TENT2: variants seen among roughly 807,000 people sequenced by gnomAD.
The protein encoded by TENT2 is terminal nucleotidyltransferase 2.
In TENT2, 44 loss-of-function variants were observed where a neutral mutation model predicts 72.2. The ratio of observed to expected loss-of-function variants is 0.61; its 90% CI spans 0.48 to 0.78. The LOEUF is 0.78. Among genes scored for constraint, TENT2 ranks in the 30% least tolerant of loss-of-function variants. TENT2 has a pLI of 0.00. For missense variants in TENT2, 541 were observed against 569.6 expected (o/e 0.95, Z 0.51); for synonymous variants, 212 against 192.5 (o/e 1.10, Z -0.84).
At chr5:79,639,196 G>A (rs1782519755) in intron 4 of TENT2, among the ~76,000 whole-genome samples, 1 of 151,944 alleles carries the variant, frequency 6.6e-6, no homozygotes, top group Non-Finnish European at 1.5e-5. Context: ...AAGAGGCTGA[G>A]GAATATCACA....
chr5:79,675,000 TAAAAA>T (rs1816070584), intron 12 of TENT2, among the ~76,000 whole-genome samples: 1 of 152,150 alleles, frequency 6.6e-6, no homozygotes, highest in Non-Finnish European at 1.5e-5. Context: ...ATAATGGGGA[TAAAAA>T]GCATAGCATT....
At chr5:79,669,918 A>G (rs1303950880) in intron 12 of TENT2, among the ~76,000 whole-genome samples, 1 of 152,082 alleles carries the variant, frequency 6.6e-6, no homozygotes, top group Non-Finnish European at 1.5e-5. Flanking sequence ...GTGCTCCAAG[A>G]TCACATAGCT....
rs578116508 is a variant in TENT2, at chr5:79,670,017, C to T, written c.1208+989C>T. On this transcript the variant is annotated intron_variant, in intron 12 of 14. Coordinates refer to ENST00000453514, the MANE Select transcript of TENT2 (RefSeq NM_001114394.3). The stretch of plus-strand genomic sequence containing the variant: ...GCCGAGGCAGGTGAGGTCGCGAGTT[C>T]GAGACCAGCCAGACCAACACGGAGA... Among the ~76,000 whole-genome samples, 8 of 151,704 alleles carry T rather than the reference C, an allele frequency of 5.3e-5. No individual in the cohort carries two copies. In the South Asian group the frequency reaches 1.5e-3, roughly 28 times the overall value.
rs79713579 is a variant in TENT2, at chr5:79,682,806, T to C, written c.1380+745T>C. The stretch of plus-strand genomic sequence containing the variant: ...AGGAAAGTTAAAATTTATGTATATG[T>C]CTGTGTTTATAGTATGAATTTATTC... On this transcript the variant is annotated intron_variant, in intron 14 of 14. Transcript: ENST00000453514. 8.8e-3 allele frequency among the ~76,000 whole-genome samples: 1,343 copies of C among 152,238 alleles called. 16 individuals carry two copies. Among genetic ancestry groups the C allele is most frequent in the African/African-American group, 0.031 (1,288 of 41,528 alleles).
rs182741045 is a variant in TENT2, at chr5:79,688,233, T to C, written c.*2960T>C. 2.1e-4 allele frequency among the ~76,000 whole-genome samples: 32 copies of C among 152,344 alleles called. No individual in the cohort carries two copies. The highest frequency in any genetic ancestry group is 7.7e-4 in the African/African-American group (32 of 41,580). On this transcript the variant is annotated 3_prime_UTR_variant, in exon 15 of 15. Transcript: ENST00000453514. ...TATAATTAAAAATAAATGTTAACTC[T>C]TCTAGCCATCAAATCATTCTCATGA...
intron 4 of TENT2, among the ~76,000 whole-genome samples, chr5:79,638,096 CCTT>C (rs1004500902): frequency 9.9e-5 from 15 of 152,212 alleles, no homozygotes; most frequent in Non-Finnish European, 2.1e-4. Context: ...CCACGCCCAG[CCTT>C]CTTCTGTTCT....
intron 6 of TENT2, among the ~76,000 whole-genome samples, chr5:79,641,440 T>G (rs1784365154): frequency 6.6e-6 from 1 of 151,672 alleles, no homozygotes; most frequent in South Asian, 2.1e-4. Flanking sequence ...ACTATGTGTT[T>G]TTTTTTTTTT....
At chr5:79,614,091 CTTTTTTTTTTTTTTTTT>C (rs530001400) in intron 1 of TENT2, 1 of 78,456 alleles carries the variant, frequency 1.3e-5, no homozygotes, top group African/African-American at 5.7e-5. Context: ...AGGAATTAAT[CTTTTTTTTTTTTTTTTT>C]TTTTTTTTTT....
In TENT2 at chr5:79,619,760, G is replaced by T. The variant is rs1194774562; in HGVS notation, c.112G>T (p.Ala38Ser). 4.3e-6 allele frequency: 7 copies of T among 1,613,070 alleles called. No homozygotes were observed. The highest frequency in any genetic ancestry group is 1.7e-5 in the Admixed American group (1 of 59,910). ...TTATTCACACCAGCAGCTTATAGAT[G>T]CACAATTCAACTTTCAGAATGCAGA... ...TVYSHQQLIDAQFNFQNADLS... is the reference protein window; with the variant it reads ...TVYSHQQLIDSQFNFQNADLS... Residue 38 changes from alanine to serine, a missense_variant, in exon 2 of 15, where the codon GCA becomes TCA. Ala to Ser is a moderately conservative substitution (Grantham distance 99, BLOSUM62 1). Transcript: ENST00000453514.
At chr5:79,626,289 G>A (rs868812958) in intron 4 of TENT2, among the ~76,000 whole-genome samples, 1 of 151,242 alleles carries the variant, frequency 6.6e-6, no homozygotes, top group East Asian at 2.0e-4. Flanking sequence ...ATAGGTGTGG[G>A]CCACCATGCC....
intron 12 of TENT2, among the ~76,000 whole-genome samples, chr5:79,670,335 A>AT (rs1357357496): frequency 6.6e-6 from 1 of 151,418 alleles, no homozygotes; most frequent in African/African-American, 2.4e-5. Flanking sequence ...TTATTTATTT[A>AT]TTTTTTTGAG....
chr5:79,681,997 C>G lies in TENT2; in HGVS notation c.1316C>G (p.Thr439Arg). ...YICVEEPFDG[T>R]NTARAVHEKQ... Reference sequence around the variant, plus strand: ...AACATTGCAGAACCTTTTGATGGAACAAATACAGCCAGAGCAGTGCACGAA... The same window carrying G: ...AACATTGCAGAACCTTTTGATGGAAGAAATACAGCCAGAGCAGTGCACGAA... The change falls in exon 14 of 15, where the codon ACA becomes AGA. Residue 439 changes from threonine (T) to arginine (R), a missense_variant. Thr to Arg is a moderately conservative substitution (Grantham distance 71, BLOSUM62 -1). Coordinates refer to ENST00000453514, the MANE Select transcript of TENT2 (RefSeq NM_001114394.3). 6.2e-7 allele frequency: 1 copy of G among 1,612,574 alleles called. No individual in the cohort carries two copies. Among genetic ancestry groups the G allele is most frequent in the Non-Finnish European group, 8.5e-7 (1 of 1,179,406 alleles).
At chr5:79,642,155 A>G (rs903110209) in intron 6 of TENT2, among the ~76,000 whole-genome samples, 3 of 152,052 alleles carry the variant, frequency 2.0e-5, no homozygotes, top group African/African-American at 7.2e-5. Context: ...AAAATACAAA[A>G]AATTATTGAG....
Position 79,688,224 on chromosome 5 carries a change from T to C in TENT2, c.*2951T>C, listed in dbSNP as rs1212810922. Among the ~76,000 whole-genome samples the C allele has an allele frequency of 6.6e-6, 1 of 152,220 alleles. No individual in the cohort carries two copies. Among genetic ancestry groups the C allele is most frequent in the East Asian group, 1.9e-4 (1 of 5,204 alleles). On this transcript the variant is annotated 3_prime_UTR_variant, in exon 15 of 15. Coordinates refer to ENST00000453514, the MANE Select transcript of TENT2 (RefSeq NM_001114394.3). ...GTGACTTGCTATAATTAAAAATAAATGTTAACTCTTCTAGCCATCAAATCA... is the reference window on the plus strand; with the variant it reads ...GTGACTTGCTATAATTAAAAATAAACGTTAACTCTTCTAGCCATCAAATCA...
chr5:79,643,154 G>C (rs2150463770), intron 7 of TENT2, among the ~76,000 whole-genome samples: 1 of 152,220 alleles, frequency 6.6e-6, no homozygotes, highest in African/African-American at 2.4e-5. Flanking sequence ...TCAAAGATAT[G>C]TAAGTTTTAG....
chr5:79,684,748 T>C (rs987832435), intron 14 of TENT2, among the ~76,000 whole-genome samples: 20 of 152,264 alleles, frequency 1.3e-4, no homozygotes, highest in Non-Finnish European at 2.9e-5. Flanking sequence ...TGCCCATTTC[T>C]TTATTAATGA....
chr5:79,647,596 T>G (rs556316284), intron 8 of TENT2, among the ~76,000 whole-genome samples: 43 of 152,318 alleles, frequency 2.8e-4, no homozygotes, highest in Non-Finnish European at 5.1e-4. Flanking sequence ...AAGATTTTCT[T>G]TTGTTCCACC....
chr5:79,626,436 T>C (rs1341487429), intron 4 of TENT2, among the ~76,000 whole-genome samples: 1 of 151,216 alleles, frequency 6.6e-6, no homozygotes, highest in Non-Finnish European at 1.5e-5. Flanking sequence ...GCCTCCCGAG[T>C]AGCTGGGACT....
chr5:79,618,817 A>G (rs1015001815), intron 1 of TENT2, among the ~76,000 whole-genome samples: 1 of 152,082 alleles, frequency 6.6e-6, no homozygotes, highest in East Asian at 1.9e-4. Context: ...AAGTATTATT[A>G]TGTTCTCTTG....
Sources: allele counts gnomAD v4.1 joint callset (sites outside exome capture counted in the v4.1 genomes callset), GRCh38; gene constraint gnomAD v4.1.1; transcripts MANE v1.5; gene names NCBI Gene and HGNC (gene_info 2026-07-23, HGNC 2026-07-21).